The following PARD3 variants were observed in gnomAD, a reference collection of about 807,000 sequenced individuals.
PARD3 encodes the protein par-3 family cell polarity regulator.
In PARD3, 75 loss-of-function variants were observed where a neutral mutation model predicts 155.4. That is an observed-to-expected ratio of 0.48 (90% confidence interval 0.40 to 0.58). PARD3 has a LOEUF of 0.58. Among genes scored for constraint, PARD3 ranks in the 20% least tolerant of loss-of-function variants. The pLI, the probability that PARD3 is intolerant of heterozygous loss-of-function variation, is 0.00. For synonymous variants in PARD3, 576 were observed against 610.5 expected, an observed-to-expected ratio of 0.94 and a Z score of 0.83; for missense variants, 1,642 against 1,721.7, an observed-to-expected ratio of 0.95 and a Z score of 0.82.
At chr10:34,197,931 T>C (rs189691707) in intron 22 of PARD3, among the ~76,000 whole-genome samples, 67 of 152,336 alleles carry the variant, frequency 4.4e-4, no homozygotes, top group Non-Finnish European at 7.9e-4. Context: ...GGTTTCACCA[T>C]GTTGGCCAGG....
intron 22 of PARD3, among the ~76,000 whole-genome samples, chr10:34,255,793 A>G (rs1588954827): frequency 6.6e-6 from 1 of 152,322 alleles, no homozygotes; most frequent in African/African-American, 2.4e-5. Context: ...TTTTTCACAG[A>G]GGTGATTTAT....
intron 2 of PARD3, among the ~76,000 whole-genome samples, chr10:34,667,139 G>T (rs936538715): frequency 1.3e-5 from 2 of 152,182 alleles, no homozygotes; most frequent in African/African-American, 4.8e-5. Context: ...CTGCACTCCA[G>T]CCTGGCCAAC....
At chr10:34,224,696 CCAAA>C (rs1952498234) in intron 22 of PARD3, among the ~76,000 whole-genome samples, 3 of 152,164 alleles carry the variant, frequency 2.0e-5, no homozygotes, top group South Asian at 2.1e-4. Context: ...AAACCCTCGG[CCAAA>C]CAAAGCGCAG....
intron 22 of PARD3, among the ~76,000 whole-genome samples, chr10:34,266,663 T>C (rs61131794): frequency 0.034 from 5,169 of 152,224 alleles, 230 homozygotes; most frequent in African/African-American, 0.11. Flanking sequence ...TAAGATGTGA[T>C]TCTGAGTTAC....
chr10:34,345,489 C>A (rs1435632839), intron 15 of PARD3: 1 of 984,994 alleles, frequency 1.0e-6, no homozygotes, highest in Non-Finnish European at 1.2e-6. Flanking sequence ...ACCTCAACCT[C>A]CACTAATGTC....
rs181867167 is a variant in PARD3, at chr10:34,515,642, T to G, written c.403+1337A>C. ...CTGTTAAACTGCTCTTCTTTCCTTGTTCTCTTTATATACACCTTCAAGGGA... is the reference window on the plus strand; with the variant it reads ...CTGTTAAACTGCTCTTCTTTCCTTGGTCTCTTTATATACACCTTCAAGGGA... On this transcript the variant is annotated intron_variant, in intron 3 of 24. Transcript: ENST00000374788. Among the ~76,000 whole-genome samples, 3 of 152,326 alleles carry G rather than the reference T, an allele frequency of 2.0e-5. No individual in the cohort carries two copies. In the East Asian group the frequency reaches 5.8e-4, roughly 29 times the overall value.
At chr10:34,796,925 C>T (rs1405806391) in intron 1 of PARD3, among the ~76,000 whole-genome samples, 1 of 152,160 alleles carries the variant, frequency 6.6e-6, no homozygotes, top group Non-Finnish European at 1.5e-5. Flanking sequence ...ACGGAGGTTG[C>T]TATGAACTGA....
chr10:34,331,699 TGAG>T (rs1224532325), intron 18 of PARD3, among the ~76,000 whole-genome samples: 1 of 151,852 alleles, frequency 6.6e-6, no homozygotes, highest in Non-Finnish European at 1.5e-5. Flanking sequence ...CAAGGGAAGA[TGAG>T]GAGAAGGCTA....
chr10:34,689,933 T>TTTTA (rs1564511802), intron 2 of PARD3, among the ~76,000 whole-genome samples: 61 of 151,060 alleles, frequency 4.0e-4, no homozygotes, highest in Admixed American at 9.9e-4. Flanking sequence ...GATTTTTACA[T>TTTTA]GTTATTTATT....
intron 1 of PARD3, among the ~76,000 whole-genome samples, chr10:34,715,067 T>G (rs897456637): frequency 7.1e-6 from 1 of 141,752 alleles, no homozygotes; most frequent in Non-Finnish European, 1.5e-5. Flanking sequence ...CCACCACACC[T>G]AGCCTAACCT....
chr10:34,517,681 T>C (rs1341577763), intron 2 of PARD3, among the ~76,000 whole-genome samples: 1 of 152,102 alleles, frequency 6.6e-6, no homozygotes, highest in Non-Finnish European at 1.5e-5. Flanking sequence ...TTAGCAATTC[T>C]TACTCTACTA....
chr10:34,366,238 G>C (rs909301532), intron 12 of PARD3, among the ~76,000 whole-genome samples: 1 of 152,078 alleles, frequency 6.6e-6, no homozygotes, highest in Non-Finnish European at 1.5e-5. Flanking sequence ...CTTTCAGTAC[G>C]GTATCCCATA....
chr10:34,275,851 G>A (rs534139266), intron 21 of PARD3, among the ~76,000 whole-genome samples: 287 of 152,162 alleles, frequency 1.9e-3, no homozygotes, highest in Middle Eastern at 3.4e-3. Context: ...GTGACCCTGA[G>A]GTCACAAATT....
chr10:34,731,358 C>G (rs1216194916), intron 1 of PARD3, among the ~76,000 whole-genome samples: 5 of 152,150 alleles, frequency 3.3e-5, no homozygotes, highest in African/African-American at 1.2e-4. Flanking sequence ...CTTTTCAAGT[C>G]TTATTAGTCT....
At chr10:34,640,494 A>T (rs1187301290) in intron 2 of PARD3, among the ~76,000 whole-genome samples, 2 of 151,532 alleles carry the variant, frequency 1.3e-5, no homozygotes, top group African/African-American at 4.8e-5. Flanking sequence ...GCATGCACCT[A>T]TAGTCCCAGC....
chr10:34,241,664 C>T (rs190582511), intron 22 of PARD3, among the ~76,000 whole-genome samples: 99 of 152,258 alleles, frequency 6.5e-4, no homozygotes, highest in African/African-American at 2.2e-3. Context: ...GAACCTGAAA[C>T]GAACTGCACA....
chr10:34,321,703 G>C (rs1212496480), intron 19 of PARD3, among the ~76,000 whole-genome samples: 2 of 152,118 alleles, frequency 1.3e-5, no homozygotes, highest in Non-Finnish European at 2.9e-5. Context: ...GATGCAAATG[G>C]AGCTCAATTA....
At chr10:34,729,295 T>C (rs762029719) in intron 1 of PARD3, among the ~76,000 whole-genome samples, 6 of 150,692 alleles carry the variant, frequency 4.0e-5, no homozygotes, top group African/African-American at 7.3e-5. Flanking sequence ...CTTTGGGAGG[T>C]TGAGGTGGGC....
rs1209925840 is a variant in PARD3 at position 34,630,402 on chromosome 10, C to T, written c.222+65916G>A. Among the ~76,000 whole-genome samples, 9 of 152,026 alleles carry T rather than the reference C, an allele frequency of 5.9e-5. No individual in the cohort carries two copies. In the South Asian group the frequency reaches 8.3e-4, roughly 14 times the overall value. ...CATGACCAACTATGGCCACAAGTCC[C>T]GACCAGAGCATCCTAGTCCACCCTT... On this transcript the variant is annotated intron_variant, in intron 2 of 24. Transcript: ENST00000374788.
Sources: gnomAD v4.1 joint callset for allele counts (sites outside exome capture counted in the v4.1 genomes callset) on GRCh38, gnomAD v4.1.1 for gene constraint, MANE v1.5 for transcripts, NCBI Gene and HGNC (gene_info 2026-07-23, HGNC 2026-07-21) for gene names.